The following PHF20 variants were observed in gnomAD, a reference collection of about 807,000 sequenced individuals.
The protein encoded by PHF20 is PHD finger protein 20, also known as glioma-expressed antigen 2.
A neutral mutation model predicts 113.5 loss-of-function variants in PHF20; 23 were observed. The observed-to-expected ratio is 0.20, with a 90% CI of 0.15 to 0.29. The LOEUF (loss-of-function observed/expected upper bound fraction) is 0.29. Among genes scored for constraint, PHF20 ranks in the 10% least tolerant of loss-of-function variants. The pLI is 1.00. For synonymous variants in PHF20, 434 were observed against 457.3 expected (o/e 0.95, Z 0.65); for missense variants, 943 against 1,219.6 (o/e 0.77, Z 3.38).
chr20:35,791,555 A>C (rs1247748437), intron 1 of PHF20, among the ~76,000 whole-genome samples: 1 of 147,348 alleles, frequency 6.8e-6, no homozygotes, highest in Non-Finnish European at 1.5e-5. Context: ...ATATATATAT[A>C]TATATATCTT....
intron 10 of PHF20, among the ~76,000 whole-genome samples, chr20:35,903,020 T>TC (rs1471184562): frequency 6.7e-6 from 1 of 148,426 alleles, no homozygotes; most frequent in African/African-American, 2.5e-5. Context: ...TTTTCTTTTT[T>TC]CTTTTTTTTT....
At chr20:35,883,590 C>T (rs950512757) in intron 9 of PHF20, among the ~76,000 whole-genome samples, 5 of 152,138 alleles carry the variant, frequency 3.3e-5, no homozygotes, top group Admixed American at 6.5e-5. Context: ...CACAGGCACT[C>T]GCCGTCACTC....
At chr20:35,805,389 T>C (rs1313792745) in intron 2 of PHF20, among the ~76,000 whole-genome samples, 1 of 147,292 alleles carries the variant, frequency 6.8e-6, no homozygotes, top group Non-Finnish European at 1.5e-5. Flanking sequence ...TTATTATTAT[T>C]ATTATTATTT....
intron 3 of PHF20, among the ~76,000 whole-genome samples, chr20:35,844,241 T>A (rs1053330934): frequency 2.8e-4 from 42 of 151,920 alleles, no homozygotes; most frequent in Middle Eastern, 3.4e-3. Flanking sequence ...TAGCTGGGAC[T>A]ACAGGTGCGT....
chr20:35,839,377 C>T (rs1246594295), intron 2 of PHF20, among the ~76,000 whole-genome samples: 4 of 124,044 alleles, frequency 3.2e-5, no homozygotes, highest in South Asian at 2.4e-4. Flanking sequence ...GGTGACAGAA[C>T]GAGATTCCAT....
intron 1 of PHF20, among the ~76,000 whole-genome samples, chr20:35,793,301 CTTTTTTT>C (rs755495559): frequency 4.3e-5 from 6 of 139,936 alleles, no homozygotes; most frequent in Non-Finnish European, 9.4e-5. Context: ...CTTTCTTTTT[CTTTTTTT>C]TTTTTTTTGA....
intron 10 of PHF20, among the ~76,000 whole-genome samples, chr20:35,901,870 G>A (rs995789967): frequency 3.9e-5 from 6 of 152,166 alleles, no homozygotes; most frequent in Non-Finnish European, 7.3e-5. Flanking sequence ...GTCACTGTTG[G>A]ACTCTCTTCA....
intron 2 of PHF20, among the ~76,000 whole-genome samples, chr20:35,824,296 T>C (rs1049092013): frequency 2.6e-5 from 4 of 152,094 alleles, no homozygotes; most frequent in African/African-American, 7.2e-5. Flanking sequence ...AATTGAGATA[T>C]AGTTTACATG....
rs146739886 is a variant in PHF20, at chr20:35,871,768, C to T, written c.1221C>T (p.Asn407=). ...TGAACTGCCCATCAATGGGAGAAAA[C>T]ACGATGAAAACAGAACCGACTTCTC... ...LELNCPSMGE[N]TMKTEPTSPL... Residue 407 remains asparagine, a synonymous_variant, in exon 9 of 18, where the codon AAC becomes AAT. Transcript: ENST00000374012. 4.3e-6 allele frequency: 7 copies of T among 1,613,466 alleles called. No homozygotes were observed. Among genetic ancestry groups the T allele is most frequent in the Non-Finnish European group, 5.9e-6 (7 of 1,179,738 alleles).
intron 2 of PHF20, among the ~76,000 whole-genome samples, chr20:35,828,888 C>A (rs1442630142): frequency 6.6e-6 from 1 of 152,208 alleles, no homozygotes; most frequent in Non-Finnish European, 1.5e-5. Flanking sequence ...CTACTTAGTG[C>A]TGTGTAACAC....
chr20:35,809,408 G>A (rs1352410834), intron 2 of PHF20, among the ~76,000 whole-genome samples: 1 of 151,868 alleles, frequency 6.6e-6, no homozygotes, highest in Non-Finnish European at 1.5e-5. Flanking sequence ...GTGAAACCCT[G>A]TCTCTACTAA....
At chr20:35,901,035 T>C (rs1234915234) in intron 10 of PHF20, among the ~76,000 whole-genome samples, 1 of 152,212 alleles carries the variant, frequency 6.6e-6, no homozygotes, top group African/African-American at 2.4e-5. Context: ...TTTCCTGATC[T>C]GCATGGTGGT....
chr20:35,778,074 T>C (rs2041210350), intron 1 of PHF20, among the ~76,000 whole-genome samples: 1 of 152,070 alleles, frequency 6.6e-6, no homozygotes, highest in African/African-American at 2.4e-5. Flanking sequence ...TAAAGTCTTT[T>C]TATTAATTTT....
At chr20:35,902,702 C>T (rs190697910) in intron 10 of PHF20, among the ~76,000 whole-genome samples, 20 of 152,280 alleles carry the variant, frequency 1.3e-4, no homozygotes, top group African/African-American at 4.3e-4. Context: ...CAGGCTCTAC[C>T]GCTTGCTTGC....
intron 9 of PHF20, among the ~76,000 whole-genome samples, chr20:35,880,386 C>T (rs2054606751): frequency 6.6e-6 from 1 of 152,058 alleles, no homozygotes; most frequent in Non-Finnish European, 1.5e-5. Flanking sequence ...TAAGTTGCTG[C>T]CAAACTGAGG....
At chr20:35,919,336 A>ATTT (rs751803907) in intron 13 of PHF20, among the ~76,000 whole-genome samples, 3 of 112,634 alleles carry the variant, frequency 2.7e-5, no homozygotes, top group Non-Finnish European at 5.6e-5. Context: ...TGTTATGGTA[A>ATTT]TTTTTTTTTT....
chr20:35,799,753 C>T (rs553913197), intron 1 of PHF20, among the ~76,000 whole-genome samples: 6 of 152,174 alleles, frequency 3.9e-5, no homozygotes, highest in East Asian at 3.9e-4. Context: ...CTGCAACCTC[C>T]GCCTCCCAGG....
At chr20:35,794,918 G>A (rs761134502) in intron 1 of PHF20, among the ~76,000 whole-genome samples, 47 of 152,130 alleles carry the variant, frequency 3.1e-4, no homozygotes, top group African/African-American at 9.9e-4. Context: ...AAATATGGGC[G>A]TGGTGGCTCA....
chr20:35,788,475 A>T (rs997482721), intron 1 of PHF20, among the ~76,000 whole-genome samples: 1 of 151,838 alleles, frequency 6.6e-6, no homozygotes, highest in African/African-American at 2.4e-5. Context: ...CACTCAAGTG[A>T]TCCTCTCACC....
Sources: gnomAD v4.1 joint callset for allele counts (sites outside exome capture counted in the v4.1 genomes callset) on GRCh38, gnomAD v4.1.1 for gene constraint, MANE v1.5 for transcripts, NCBI Gene and HGNC (gene_info 2026-07-23, HGNC 2026-07-21) for gene names.